The following SS18L2 variants were observed in gnomAD, a reference collection of about 807,000 sequenced individuals.
SS18L2 encodes SS18-like protein 2.
SS18L2 carries 8 observed loss-of-function variants against 10.3 expected under a neutral mutation model. The observed-to-expected ratio is 0.78, with a 90% CI of 0.46 to 1.41. The LOEUF is 1.41. SS18L2 is among the 40% of genes most tolerant of loss of function. SS18L2 has a pLI of 0.00. For synonymous variants in SS18L2, 41 were observed against 34.6 expected (o/e 1.19, Z -0.65); for missense variants, 100 against 96.2 (o/e 1.04, Z -0.17).
chr3:42,591,530 T>G lies in SS18L2; in HGVS notation c.75T>G (p.Leu25=). 1 of 1,613,094 alleles carries G rather than the reference T, an allele frequency of 6.2e-7. No homozygotes were observed. The highest frequency in any genetic ancestry group is 8.5e-7 in the Non-Finnish European group (1 of 1,179,132). Residue 25 remains leucine (L), a synonymous_variant, in exon 2 of 3, where the codon CTT becomes CTG. Coordinates refer to ENST00000011691, the MANE Select transcript of SS18L2 (RefSeq NM_001370300.1). ...EVNQETIQRL[L]EENDQLIRCI... is the part of the protein sequence containing the mutation. ...TTCTTTCTCTGATCTTTCAGCTCCT[T>G]GAGGAGAATGACCAGCTGATCCGCT...
rs148172468 is a variant in SS18L2 at position 42,583,903 on chromosome 3, G to A, written c.-90+1945G>A. ...ATTGAGCCTTTGGACTCCAAGACTTGTACCAGTGGTTCCCCAGGTTCTCCC... is the reference window on the plus strand; with the variant it reads ...ATTGAGCCTTTGGACTCCAAGACTTATACCAGTGGTTCCCCAGGTTCTCCC... On this transcript the variant is annotated intron_variant, in intron 1 of 3. Coordinates refer to the SS18L2 transcript ENST00000447630. 5.9e-5 allele frequency among the ~76,000 whole-genome samples: 9 copies of A among 152,316 alleles called. No individual in the cohort carries two copies. The East Asian group carries it at 1.7e-3, about 29-fold the overall frequency.
intron 1 of SS18L2, among the ~76,000 whole-genome samples, chr3:42,584,265 CT>C (rs1704537609): frequency 6.6e-6 from 1 of 152,028 alleles, no homozygotes; most frequent in South Asian, 2.1e-4. Flanking sequence ...TGAACACAGA[CT>C]TTTTTTGAGG....
chr3:42,591,133 G>A, intron 1 of SS18L2, 167 bp downstream of exon 1: 1 of 717,248 alleles, frequency 1.4e-6, no homozygotes, highest in Admixed American at 2.2e-5. Flanking sequence ...CAGGCGCCGG[G>A]GCAGGACCCC....
chr3:42,587,226 C>A (rs988429183), upstream of SS18L2, among the ~76,000 whole-genome samples: 1 of 152,180 alleles, frequency 6.6e-6, no homozygotes, highest in Non-Finnish European at 1.5e-5. Flanking sequence ...TGCCTAAAAC[C>A]ATCCATGGCT....
chr3:42,591,758 A>G (rs1439836913), intron 2 of SS18L2, among the ~76,000 whole-genome samples, 157 bp downstream of exon 2: 2 of 152,204 alleles, frequency 1.3e-5, no homozygotes, highest in Non-Finnish European at 2.9e-5. Flanking sequence ...CAACCTGCCC[A>G]AGACCATACA....
chr3:42,585,954 G>A (rs1197584068), upstream of SS18L2, among the ~76,000 whole-genome samples: 5 of 146,470 alleles, frequency 3.4e-5, no homozygotes, highest in African/African-American at 1.3e-4. Flanking sequence ...CCCCTCCCCC[G>A]CTTGCTCTCC....
chr3:42,590,235 A>G (rs1385148580), upstream of SS18L2, among the ~76,000 whole-genome samples: 1 of 152,216 alleles, frequency 6.6e-6, no homozygotes, highest in African/African-American at 2.4e-5. Flanking sequence ...ACAATGCCAT[A>G]GCCAATGTTC....
At chr3:42,590,068 G>C (rs781525194), upstream of SS18L2, among the ~76,000 whole-genome samples, 6 of 152,208 alleles carry the variant, frequency 3.9e-5, no homozygotes, top group Admixed American at 1.3e-4. Context: ...CTGTAAAATG[G>C]AGAAAATACC....
At chr3:42,593,105 ATTAT>A (rs1704909632) in intron 2 of SS18L2, among the ~76,000 whole-genome samples, 4 of 152,132 alleles carry the variant, frequency 2.6e-5, no homozygotes, top group Admixed American at 6.5e-5. Flanking sequence ...TAATCTAGAG[ATTAT>A]TTAAACTGTG....
chr3:42,591,651 T>C, intron 2 of SS18L2, 50 bp downstream of exon 2: 1 of 1,241,556 alleles, frequency 8.1e-7, no homozygotes, highest in Non-Finnish European at 1.2e-6. Flanking sequence ...AGGGGAAGCC[T>C]GTGTGATGCG....
Position 42,582,892 on chromosome 3 carries a change from AG to A in SS18L2, c.-90+936del, listed in dbSNP as rs540112188. On this transcript the variant is annotated intron_variant, in intron 1 of 3. Coordinates refer to the SS18L2 transcript ENST00000447630. ...GGGAAATGGAAAGTTAGTGCTTAAT[AG>A]GTACAGAATTTCAGCTGGAGAAGAT... Among the ~76,000 whole-genome samples the A allele has an allele frequency of 6.6e-5, 10 of 152,386 alleles. No homozygotes were observed. In the East Asian group the frequency reaches 1.9e-3, roughly 29 times the overall value.
At chr3:42,591,985 A>G (rs1186796024) in intron 2 of SS18L2, among the ~76,000 whole-genome samples, 2 of 152,176 alleles carry the variant, frequency 1.3e-5, no homozygotes, top group Non-Finnish European at 2.9e-5. Context: ...TGAAGGGGTC[A>G]GGCCATTTGA....
chr3:42,589,602 C>T (rs77527331), upstream of SS18L2, among the ~76,000 whole-genome samples: 174 of 152,298 alleles, frequency 1.1e-3, 1 homozygote, highest in African/African-American at 4.1e-3. Context: ...CTCAGATCAG[C>T]GGGGGCATTA....
upstream of SS18L2, among the ~76,000 whole-genome samples, chr3:42,590,032 G>C (rs529096517): frequency 6.6e-6 from 1 of 152,228 alleles, no homozygotes; most frequent in Admixed American, 6.5e-5. Flanking sequence ...GGAACCTTGG[G>C]CAAGTTACTT....
upstream of SS18L2, among the ~76,000 whole-genome samples, chr3:42,588,949 C>T (rs2940407): frequency 0.25 from 37,307 of 151,822 alleles, 5,167 homozygotes; most frequent in East Asian, 0.47. Flanking sequence ...CTTCTCTCAC[C>T]GGGTTTACCT....
chr3:42,591,615 C>T lies in SS18L2; in HGVS notation c.146+14C>T, dbSNP rs1339254029. 1 of 1,592,254 alleles carries T rather than the reference C, an allele frequency of 6.3e-7. No individual in the cohort carries two copies. Among genetic ancestry groups the T allele is most frequent in the East Asian group, 2.2e-5 (1 of 44,772 alleles). ...CGAGTGCGTGCAGTAAGTACCCCCA[C>T]CCCCGCGCCCCTGACCTGTGGGTAG... On this transcript the variant is annotated intron_variant, in intron 2 of 2. Transcript: ENST00000011691.
Position 42,594,548 on chromosome 3 carries a change from C to A in SS18L2, c.*39C>A. ...ATAGAATAATCTTCCATTTGGCTGT[C>A]GTGAGGAGTAATTGAATGTAATCCA... On this transcript the variant is annotated 3_prime_UTR_variant, in exon 3 of 3. Coordinates refer to ENST00000011691, the MANE Select transcript of SS18L2 (RefSeq NM_001370300.1). The A allele has an allele frequency of 6.5e-7, 1 of 1,543,164 alleles. No homozygotes were observed. Among genetic ancestry groups the A allele is most frequent in the South Asian group, 1.1e-5 (1 of 89,120 alleles).
At chr3:42,585,046 T>C (rs1404335707) in intron 1 of SS18L2, among the ~76,000 whole-genome samples, 3 of 152,102 alleles carry the variant, frequency 2.0e-5, no homozygotes, top group African/African-American at 7.2e-5. Flanking sequence ...GGAGAATCAC[T>C]TGAACCTGGG....
intron 1 of SS18L2, among the ~76,000 whole-genome samples, chr3:42,583,355 T>C (rs1392397625): frequency 2.6e-5 from 4 of 152,172 alleles, no homozygotes; most frequent in East Asian, 1.9e-4. Flanking sequence ...GCAAAATCAA[T>C]AGGACTTGGT....
Sources: gnomAD v4.1 joint callset for allele counts (sites outside exome capture counted in the v4.1 genomes callset) on GRCh38, gnomAD v4.1.1 for gene constraint, MANE v1.5 for transcripts, NCBI Gene and HGNC (gene_info 2026-07-23, HGNC 2026-07-21) for gene names.